Variants in RALGPS1 observed in about 807,000 individuals in gnomAD.
RALGPS1 encodes Ral GEF with PH domain and SH3 binding motif 1, also known as ras-specific guanine nucleotide-releasing factor RalGPS1.
RALGPS1 carries 19 observed loss-of-function variants against 78.8 expected under a neutral mutation model. The ratio of observed to expected loss-of-function variants is 0.24; its 90% CI spans 0.17 to 0.35. The LOEUF is 0.35. RALGPS1 is among the 10% of genes least tolerant of loss of function. The pLI, the probability that RALGPS1 is intolerant of heterozygous loss-of-function variation, is 1.00. For synonymous variants in RALGPS1, 228 were observed against 256.3 expected (o/e 0.89, Z 1.06); for missense variants, 454 against 688.3 (o/e 0.66, Z 3.81).
intron 4 of RALGPS1, among the ~76,000 whole-genome samples, chr9:127,015,882 A>G (rs542516420): frequency 5.7e-4 from 87 of 152,006 alleles, no homozygotes; most frequent in African/African-American, 2.0e-3. Flanking sequence ...TTCCACCTCC[A>G]AAAGATGCAC....
chr9:127,127,114 C>G (rs1449788496), intron 8 of RALGPS1, among the ~76,000 whole-genome samples: 1 of 152,162 alleles, frequency 6.6e-6, no homozygotes, highest in Non-Finnish European at 1.5e-5. Context: ...TTGGGGCTTT[C>G]TCTTCTGTAG....
rs540567547 is a variant in RALGPS1 at position 127,065,444 on chromosome 9, A to C, written c.484-3786A>C. On this transcript the variant is annotated intron_variant, in intron 7 of 18. Transcript: ENST00000259351. ...ATTTTTGTAGAAATGACATCTTGCT[A>C]TGTTGCCCAGGCTGGTATCAAACTC... 2.0e-5 allele frequency among the ~76,000 whole-genome samples: 3 copies of C among 151,924 alleles called. No individual in the cohort carries two copies. The East Asian group carries it at 5.8e-4, about 30-fold the overall frequency.
At chr9:127,005,216 A>G (rs1010752103) in intron 4 of RALGPS1, among the ~76,000 whole-genome samples, 1 of 152,224 alleles carries the variant, frequency 6.6e-6, no homozygotes, top group African/African-American at 2.4e-5. Flanking sequence ...TTTTAGTGCA[A>G]CCCAGCTCCT....
intron 8 of RALGPS1, chr9:127,108,374 C>T: frequency 6.2e-7 from 1 of 1,610,554 alleles, no homozygotes; most frequent in Non-Finnish European, 8.5e-7. Flanking sequence ...AGCAGCTTCA[C>T]CTCGCTCACA....
At chr9:126,939,442 CTT>C (rs1564280288) in intron 1 of RALGPS1, among the ~76,000 whole-genome samples, 1 of 152,220 alleles carries the variant, frequency 6.6e-6, no homozygotes, top group Non-Finnish European at 1.5e-5. Flanking sequence ...GTGATCAACA[CTT>C]ATTGCACAGA....
At chr9:126,947,224 G>T (rs2037359234) in intron 1 of RALGPS1, among the ~76,000 whole-genome samples, 1 of 152,100 alleles carries the variant, frequency 6.6e-6, no homozygotes. Context: ...TTGAATCCAC[G>T]CTACCTGCCA....
intron 11 of RALGPS1, among the ~76,000 whole-genome samples, chr9:127,191,890 G>T (rs1306937342): frequency 6.6e-6 from 1 of 151,718 alleles, no homozygotes; most frequent in Non-Finnish European, 1.5e-5. Context: ...GTAGAGACGG[G>T]GTTTCACCGT....
chr9:127,081,769 T>C (rs922786451), intron 8 of RALGPS1, among the ~76,000 whole-genome samples: 1 of 152,188 alleles, frequency 6.6e-6, no homozygotes, highest in Non-Finnish European at 1.5e-5. Flanking sequence ...GGAGGGAACA[T>C]TCCTTGACCA....
chr9:126,948,770 C>T (rs547157665), intron 1 of RALGPS1, among the ~76,000 whole-genome samples: 96 of 151,944 alleles, frequency 6.3e-4, no homozygotes, highest in African/African-American at 2.1e-3. Context: ...CCCAAGAAGA[C>T]GCTTTTCCTG....
At chr9:127,049,199 A>T (rs2048076862) in intron 5 of RALGPS1, among the ~76,000 whole-genome samples, 1 of 152,180 alleles carries the variant, frequency 6.6e-6, no homozygotes, top group South Asian at 2.1e-4. Context: ...TTTCACATAG[A>T]ACTGTTGTTA....
At chr9:127,117,253 C>T (rs1013590947) in intron 8 of RALGPS1, among the ~76,000 whole-genome samples, 1 of 152,232 alleles carries the variant, frequency 6.6e-6, no homozygotes, top group Non-Finnish European at 1.5e-5. Flanking sequence ...GCTTCCAACT[C>T]AACACCCAAG....
intron 4 of RALGPS1, among the ~76,000 whole-genome samples, chr9:126,982,229 G>A (rs997290862): frequency 2.0e-5 from 3 of 152,188 alleles, no homozygotes; most frequent in Non-Finnish European, 4.4e-5. Context: ...CTGGACACCA[G>A]CAAGTAGGAA....
chr9:127,031,767 G>T (rs2046450498), intron 4 of RALGPS1, among the ~76,000 whole-genome samples: 1 of 152,212 alleles, frequency 6.6e-6, no homozygotes, highest in Non-Finnish European at 1.5e-5. Flanking sequence ...CTCTGCTGAT[G>T]TGTTAATTTT....
chr9:127,089,973 G>A (rs1350247471), intron 8 of RALGPS1, among the ~76,000 whole-genome samples: 2 of 152,222 alleles, frequency 1.3e-5, no homozygotes, highest in Non-Finnish European at 2.9e-5. Context: ...GGGTTGGAGG[G>A]CCCAACAGAG....
intron 11 of RALGPS1, among the ~76,000 whole-genome samples, chr9:127,189,305 C>T (rs1364653137): frequency 6.6e-6 from 1 of 152,168 alleles, no homozygotes; most frequent in Non-Finnish European, 1.5e-5. Context: ...AGTGTATCCA[C>T]TCGTAGACCC....
At chr9:126,955,665 A>G (rs2038273017) in intron 1 of RALGPS1, among the ~76,000 whole-genome samples, 1 of 152,210 alleles carries the variant, frequency 6.6e-6, no homozygotes, top group African/African-American at 2.4e-5. Context: ...AATTTTATGC[A>G]TTTAAAAACA....
intron 4 of RALGPS1, 58 bp from the exon 5 acceptor site, chr9:127,034,373 C>G: frequency 6.9e-7 from 1 of 1,457,560 alleles, no homozygotes; most frequent in Non-Finnish European, 9.6e-7. Context: ...TTTAATGCCC[C>G]TGGTGTATTT....
At chr9:127,052,213 G>A (rs1436336211) in intron 6 of RALGPS1, among the ~76,000 whole-genome samples, 2 of 152,168 alleles carry the variant, frequency 1.3e-5, no homozygotes, top group Admixed American at 6.5e-5. Context: ...TGGCACCCCC[G>A]TCCTGTTAGC....
At chr9:126,954,810 A>G (rs756956523) in intron 1 of RALGPS1, among the ~76,000 whole-genome samples, 1 of 152,142 alleles carries the variant, frequency 6.6e-6, no homozygotes. Context: ...CTCTGTCTCA[A>G]AAGGAAGAAC....
Sources: allele counts gnomAD v4.1 joint callset (sites outside exome capture counted in the v4.1 genomes callset), GRCh38; gene constraint gnomAD v4.1.1; transcripts MANE v1.5; gene names NCBI Gene and HGNC (gene_info 2026-07-23, HGNC 2026-07-21).